ENTHD1: variants seen among roughly 807,000 people sequenced by gnomAD.
ENTHD1 encodes the protein ENTH domain-containing protein 1.
In ENTHD1, 23 loss-of-function variants were observed where a neutral mutation model predicts 39.1. That is an observed-to-expected ratio of 0.59 (90% CI 0.42 to 0.83). ENTHD1 has a LOEUF of 0.83. ENTHD1 is among the 40% of genes least tolerant of loss of function. The pLI is 0.00. For missense variants in ENTHD1, 624 were observed against 705.4 expected, an observed-to-expected ratio of 0.88 and a Z score of 1.31; for synonymous variants, 230 against 258.2, an observed-to-expected ratio of 0.89 and a Z score of 1.05.
At chr22:39,865,926 C>A (rs986093215) in intron 2 of ENTHD1, among the ~76,000 whole-genome samples, 6 of 152,200 alleles carry the variant, frequency 3.9e-5, no homozygotes, top group Non-Finnish European at 5.9e-5. Flanking sequence ...GAAATGCTTG[C>A]ATTTTCTCTT....
At chr22:39,795,530 C>G (rs2065541503) in intron 5 of ENTHD1, among the ~76,000 whole-genome samples, 1 of 151,490 alleles carries the variant, frequency 6.6e-6, no homozygotes, top group Non-Finnish European at 1.5e-5. Context: ...TGGGCTCAAG[C>G]AATCCTCCCA....
chr22:39,768,773 C>A (rs951148555), intron 5 of ENTHD1, among the ~76,000 whole-genome samples: 7 of 151,716 alleles, frequency 4.6e-5, no homozygotes, highest in African/African-American at 1.7e-4. Context: ...TTCTGTATAA[C>A]AATGTATATT....
chr22:39,850,923 G>A (rs1157610537), intron 3 of ENTHD1, among the ~76,000 whole-genome samples: 1 of 152,044 alleles, frequency 6.6e-6, no homozygotes. Context: ...ATATTTATGT[G>A]TGTGTTTACC....
intron 4 of ENTHD1, among the ~76,000 whole-genome samples, chr22:39,832,503 T>C (rs960024131): frequency 6.6e-6 from 1 of 152,078 alleles, no homozygotes; most frequent in Non-Finnish European, 1.5e-5. Context: ...TTAACGGAAA[T>C]TAAGCAGAAA....
At chr22:39,787,105 C>T (rs1047094498) in intron 5 of ENTHD1, among the ~76,000 whole-genome samples, 1 of 152,144 alleles carries the variant, frequency 6.6e-6, no homozygotes, top group Non-Finnish European at 1.5e-5. Context: ...ATTATAATAT[C>T]TGTTGTGGTG....
intron 4 of ENTHD1, among the ~76,000 whole-genome samples, chr22:39,821,738 T>A (rs2065784575): frequency 6.6e-6 from 1 of 152,214 alleles, no homozygotes; most frequent in East Asian, 1.9e-4. Context: ...AGAAATTTAT[T>A]CCTTACAGTT....
At chr22:39,852,822 A>G (rs1299975086) in intron 3 of ENTHD1, among the ~76,000 whole-genome samples, 2 of 152,266 alleles carry the variant, frequency 1.3e-5, no homozygotes, top group Non-Finnish European at 2.9e-5. Context: ...ATTATATGAC[A>G]CATGACTATT....
At chr22:39,877,263 G>A (rs1431180035) in intron 2 of ENTHD1, among the ~76,000 whole-genome samples, 2 of 152,156 alleles carry the variant, frequency 1.3e-5, no homozygotes, top group African/African-American at 4.8e-5. Context: ...ACAATAAAGA[G>A]CACATGGTGC....
At chr22:39,762,652 A>C (rs1052483481) in intron 6 of ENTHD1, among the ~76,000 whole-genome samples, 1 of 152,016 alleles carries the variant, frequency 6.6e-6, no homozygotes, top group Non-Finnish European at 1.5e-5. Context: ...GGGTCTCCCT[A>C]TGTTGCCCAG....
intron 1 of ENTHD1, among the ~76,000 whole-genome samples, chr22:39,891,611 A>T (rs1264334702): frequency 1.3e-5 from 2 of 149,092 alleles, no homozygotes; most frequent in East Asian, 2.0e-4. Context: ...CTAACTAATT[A>T]AAAAAAAAAT....
chr22:39,884,007 A>G (rs930123922), intron 2 of ENTHD1, among the ~76,000 whole-genome samples: 2 of 152,144 alleles, frequency 1.3e-5, no homozygotes, highest in African/African-American at 4.8e-5. Context: ...AAAGACTTGT[A>G]CCCTGAAAAC....
intron 5 of ENTHD1, among the ~76,000 whole-genome samples, chr22:39,778,036 C>T (rs2065379279): frequency 6.6e-6 from 1 of 152,170 alleles, no homozygotes; most frequent in African/African-American, 2.4e-5. Context: ...TAAAACCCTA[C>T]AGGTGATTAT....
chr22:39,826,173 C>T (rs562335176), intron 4 of ENTHD1, among the ~76,000 whole-genome samples: 16 of 152,068 alleles, frequency 1.1e-4, no homozygotes, highest in South Asian at 8.3e-4. Context: ...ATGCCTGGCC[C>T]GTAAGTATAA....
At chr22:39,845,238 C>T (rs963794040) in intron 3 of ENTHD1, among the ~76,000 whole-genome samples, 12 of 152,140 alleles carry the variant, frequency 7.9e-5, no homozygotes, top group Non-Finnish European at 1.6e-4. Context: ...ATAACAACTC[C>T]ATCACAGGGC....
chr22:39,813,679 C>G (rs1469314000), intron 5 of ENTHD1, among the ~76,000 whole-genome samples: 2 of 152,220 alleles, frequency 1.3e-5, no homozygotes, highest in African/African-American at 2.4e-5. Context: ...ATCACACTTT[C>G]ATTCAGCACT....
chr22:39,810,400 C>G (rs1277504715), intron 5 of ENTHD1, among the ~76,000 whole-genome samples: 1 of 152,178 alleles, frequency 6.6e-6, no homozygotes, highest in Admixed American at 6.5e-5. Context: ...CTAGTTATTT[C>G]CATGGTCTCA....
intron 5 of ENTHD1, among the ~76,000 whole-genome samples, chr22:39,766,491 G>A (rs1411261492): frequency 6.6e-6 from 1 of 152,146 alleles, no homozygotes; most frequent in Non-Finnish European, 1.5e-5. Context: ...AGCTCCATCT[G>A]AACCGGGATA....
intron 3 of ENTHD1, among the ~76,000 whole-genome samples, chr22:39,847,915 C>T (rs182083004): frequency 5.6e-4 from 85 of 152,308 alleles, no homozygotes; most frequent in Admixed American, 1.6e-3. Flanking sequence ...GAAGTGCAGG[C>T]AGGTTAAATG....
intron 4 of ENTHD1, among the ~76,000 whole-genome samples, chr22:39,835,027 C>T (rs1055331445): frequency 1.3e-5 from 2 of 152,244 alleles, no homozygotes; most frequent in Admixed American, 1.3e-4. Flanking sequence ...TCTATCTCTT[C>T]ATTGTGGCTC....
Sources: allele counts gnomAD v4.1 joint callset (sites outside exome capture counted in the v4.1 genomes callset), GRCh38; gene constraint gnomAD v4.1.1; transcripts MANE v1.5; gene names NCBI Gene and HGNC (gene_info 2026-07-23, HGNC 2026-07-21).